The following KANK1 variants were observed in gnomAD, a reference collection of about 807,000 sequenced individuals.
The protein encoded by KANK1 is KN motif and ankyrin repeat domains 1, also known as KN motif and ankyrin repeat domain-containing protein 1.
A neutral mutation model predicts 106.2 loss-of-function variants in KANK1; 109 were observed. The observed-to-expected ratio is 1.03, with a 90% CI of 0.88 to 1.20. KANK1 has a LOEUF of 1.20. Ranked by LOEUF, KANK1 falls within the 50% of genes most tolerant of loss-of-function variation. The pLI is 0.00. For missense variants in KANK1, 2,399 were observed against 1,710.7 expected (o/e 1.40, Z -7.10); for synonymous variants, 873 against 652.2 (o/e 1.34, Z -5.16).
rs762991305 is a variant in KANK1 at position 732,576 on chromosome 9, G to T, written c.3204G>T (p.Gln1068His). The change falls in exon 6 of 12, where the codon CAG (glutamine) becomes CAT (histidine). Residue 1068 changes from glutamine to histidine, a missense_variant. Transcript: ENST00000382297. ...CTGCCAGGGTGGAAGATGAAATGCA[G>T]GTTCAAGAATGTGAACCTGAGAAGG... ...LKSARVEDEM[Q>H]VQECEPEKVE... 1.9e-6 allele frequency: 3 copies of T among 1,614,114 alleles called. No homozygotes were observed. The highest frequency in any genetic ancestry group is 2.5e-6 in the Non-Finnish European group (3 of 1,180,026).
At chr9:710,442 AC>A (rs1042421431) in intron 2 of KANK1, among the ~76,000 whole-genome samples, 7 of 152,096 alleles carry the variant, frequency 4.6e-5, no homozygotes, top group Admixed American at 4.6e-4. Flanking sequence ...ACATGGTGAA[AC>A]CCTGTCTCTA....
At chr9:571,486 A>C (rs1316683283) in intron 1 of KANK1, among the ~76,000 whole-genome samples, 1 of 152,220 alleles carries the variant, frequency 6.6e-6, no homozygotes. Context: ...TTAGCCAAGG[A>C]AGTCACATGT....
intron 1 of KANK1, chr9:659,997 C>G: frequency 3.6e-6 from 1 of 281,036 alleles, no homozygotes; most frequent in Admixed American, 3.8e-5. Flanking sequence ...TGTCCACAGT[C>G]CAGAACCTCC....
chr9:718,069 T>C (rs1413587748), intron 3 of KANK1, among the ~76,000 whole-genome samples: 2 of 152,204 alleles, frequency 1.3e-5, no homozygotes, highest in Admixed American at 6.5e-5. Flanking sequence ...AAGTAGTCAT[T>C]ACAAAATACG....
intron 1 of KANK1, among the ~76,000 whole-genome samples, chr9:621,031 A>G (rs556141854): frequency 6.6e-6 from 1 of 152,118 alleles, no homozygotes; most frequent in Non-Finnish European, 1.5e-5. Context: ...ATTCTTTTTT[A>G]GGGGATAAAT....
At chr9:741,095 G>GACCA (rs2132211921) in intron 9 of KANK1, among the ~76,000 whole-genome samples, 161 bp downstream of exon 9, 2 of 152,344 alleles carry the variant, frequency 1.3e-5, no homozygotes, top group Non-Finnish European at 2.9e-5. Context: ...ACTCCTTGCT[G>GACCA]ACCAAACATA....
At chr9:618,788 A>G (rs959653855) in intron 1 of KANK1, among the ~76,000 whole-genome samples, 1 of 152,184 alleles carries the variant, frequency 6.6e-6, no homozygotes, top group African/African-American at 2.4e-5. Context: ...AAGCTCCTGC[A>G]CACTGGGTGA....
At chr9:697,078 G>C (rs976899937) in intron 2 of KANK1, among the ~76,000 whole-genome samples, 7 of 10,708 alleles carry the variant, frequency 6.5e-4, no homozygotes, top group Admixed American at 3.2e-3. Context: ...TGTTCCATCT[G>C]TGTGTGTGTG....
chr9:698,978 G>T (rs1338608595), intron 2 of KANK1, among the ~76,000 whole-genome samples: 1 of 152,142 alleles, frequency 6.6e-6, no homozygotes, highest in Non-Finnish European at 1.5e-5. Flanking sequence ...TTAGGGCTCT[G>T]TCTGTCCCCT....
intron 1 of KANK1, among the ~76,000 whole-genome samples, chr9:568,677 G>C (rs759479040): frequency 1.3e-5 from 2 of 152,038 alleles, no homozygotes; most frequent in South Asian, 4.1e-4. Context: ...TTTTTTTGTA[G>C]AGACAAAATC....
intron 1 of KANK1, among the ~76,000 whole-genome samples, chr9:517,208 G>A (rs7861835): frequency 0.23 from 35,264 of 151,632 alleles, 6,257 homozygotes; most frequent in African/African-American, 0.47. Context: ...GGTTCAAGCA[G>A]TTCTCCTGCC....
chr9:500,982 C>A (rs1217009772), upstream of KANK1, among the ~76,000 whole-genome samples: 2 of 152,262 alleles, frequency 1.3e-5, no homozygotes, highest in East Asian at 3.9e-4. Flanking sequence ...TACTGAATGA[C>A]TTTCTTCCTC....
At chr9:560,188 A>G (rs1816018237) in intron 1 of KANK1, among the ~76,000 whole-genome samples, 1 of 152,238 alleles carries the variant, frequency 6.6e-6, no homozygotes, top group Admixed American at 6.5e-5. Context: ...CATTTCCTGT[A>G]TAAATCAGAT....
rs76454972 is a variant in KANK1, at chr9:738,323, C to T, written c.3372C>T (p.Arg1124=). The T allele has an allele frequency of 5.6e-4, 907 of 1,613,972 alleles. 1 individual carries two copies. In the African/African-American group the frequency reaches 0.01, roughly 19 times the overall value. Residue 1124 remains arginine, a synonymous_variant, in exon 8 of 12, where the codon CGC becomes CGT. Transcript: ENST00000382297. ...CLNTLQHEWF[R]VSSQKSAIPA... The stretch of plus-strand genomic sequence containing the variant: ...ACACCCTCCAGCACGAGTGGTTCCG[C>T]GTGTCCAGTCAGAAGTCAGCCATTC...
rs151326775 is a variant in KANK1, at chr9:640,563, A to T, written c.-83-36327A>T. On this transcript the variant is annotated intron_variant, in intron 1 of 11. Coordinates refer to ENST00000382297, the MANE Select transcript of KANK1 (RefSeq NM_015158.5). ...CAGGCGCCTACCATCATGCCCAGCT[A>T]ATTTTTGTATTTTTGTACAGATGGG... Among the ~76,000 whole-genome samples, 794 of 151,782 alleles carry T rather than the reference A, an allele frequency of 5.2e-3. 5 individuals carry two copies. Among genetic ancestry groups the T allele is most frequent in the African/African-American group, 0.018 (748 of 41,370 alleles).
chr9:614,257 C>G (rs1279598760), intron 1 of KANK1, among the ~76,000 whole-genome samples: 1 of 152,116 alleles, frequency 6.6e-6, no homozygotes, highest in Non-Finnish European at 1.5e-5. Context: ...TTTTTCGACC[C>G]TCAGTGTTTG....
At chr9:580,060 T>C (rs1053745398) in intron 1 of KANK1, among the ~76,000 whole-genome samples, 1 of 152,132 alleles carries the variant, frequency 6.6e-6, no homozygotes, top group Admixed American at 6.5e-5. Flanking sequence ...AGATGGTGTG[T>C]CCGAAGTTTG....
chr9:637,444 T>C, intron 1 of KANK1, among the ~76,000 whole-genome samples: 1 of 152,208 alleles, frequency 6.6e-6, no homozygotes, highest in Non-Finnish European at 1.5e-5. Flanking sequence ...AAGTAGTGTT[T>C]CTTGCAGCAA....
chr9:719,577 A>G (rs1828755443), intron 3 of KANK1, among the ~76,000 whole-genome samples: 1 of 151,992 alleles, frequency 6.6e-6, no homozygotes, highest in African/African-American at 2.4e-5. Context: ...TGAACAGAGC[A>G]ACTTTTAAAA....
Sources: gnomAD v4.1 joint callset for allele counts (sites outside exome capture counted in the v4.1 genomes callset) on GRCh38, gnomAD v4.1.1 for gene constraint, MANE v1.5 for transcripts, NCBI Gene and HGNC (gene_info 2026-07-23, HGNC 2026-07-21) for gene names.